The following PTPN5 variants were observed in gnomAD, a reference collection of about 807,000 sequenced individuals.
PTPN5 encodes the protein tyrosine-protein phosphatase non-receptor type 5.
In PTPN5, 29 loss-of-function variants were observed where a neutral mutation model predicts 73.9. The observed-to-expected ratio is 0.39, with a 90% CI of 0.29 to 0.54. The LOEUF is 0.54. Among genes scored for constraint, PTPN5 ranks in the 20% least tolerant of loss-of-function variants. The pLI is 0.65. For synonymous variants in PTPN5, 267 were observed against 304.7 expected (o/e 0.88, Z 1.29); for missense variants, 652 against 751.4 (o/e 0.87, Z 1.55).
intron 4 of PTPN5, 138 bp downstream of exon 4, chr11:18,743,868 G>T (rs1410261197): frequency 1.8e-5 from 18 of 995,318 alleles, no homozygotes; most frequent in Non-Finnish European, 2.2e-5. Context: ...CCAGCCTTGA[G>T]GGCTTGGAGC....
intron 1 of PTPN5, among the ~76,000 whole-genome samples, chr11:18,785,283 A>G (rs1470918709): frequency 6.6e-6 from 1 of 152,192 alleles, no homozygotes; most frequent in Non-Finnish European, 1.5e-5. Flanking sequence ...TCTGAGATGG[A>G]AAAGCTATGT....
intron 3 of PTPN5, among the ~76,000 whole-genome samples, chr11:18,752,643 C>T (rs755424604): frequency 6.6e-6 from 1 of 152,232 alleles, no homozygotes; most frequent in Non-Finnish European, 1.5e-5. Flanking sequence ...TCTGAAATTG[C>T]AAACAGCTTT....
At chr11:18,750,151 G>A (rs1182831174) in intron 3 of PTPN5, among the ~76,000 whole-genome samples, 6 of 152,192 alleles carry the variant, frequency 3.9e-5, no homozygotes, top group Admixed American at 2.6e-4. Flanking sequence ...GAGCCTGAAC[G>A]TTGAAGACTT....
At chr11:18,746,195 A>ATATT (rs377606416) in intron 3 of PTPN5, among the ~76,000 whole-genome samples, 1 of 114,036 alleles carries the variant, frequency 8.8e-6, no homozygotes, top group Non-Finnish European at 1.8e-5. Flanking sequence ...ATATATATAC[A>ATATT]TTTTTTTTTT....
At chr11:18,750,102 G>A (rs930618) in intron 3 of PTPN5, among the ~76,000 whole-genome samples, 293 of 152,282 alleles carry the variant, frequency 1.9e-3, no homozygotes, top group African/African-American at 6.4e-3. Context: ...CCCAGAGAGC[G>A]GAAGTGGCTT....
intron 3 of PTPN5, among the ~76,000 whole-genome samples, chr11:18,759,855 C>A (rs1850311891): frequency 6.6e-6 from 1 of 152,184 alleles, no homozygotes; most frequent in African/African-American, 2.4e-5. Context: ...TGCACCTGCC[C>A]ACAGACCAGC....
At chr11:18,769,834 G>C (rs1338672217) in intron 2 of PTPN5, among the ~76,000 whole-genome samples, 1 of 152,254 alleles carries the variant, frequency 6.6e-6, no homozygotes, top group African/African-American at 2.4e-5. Context: ...ATCAGAAGTA[G>C]GCTGGTCAGT....
At chr11:18,754,093 C>T (rs141972905) in intron 3 of PTPN5, among the ~76,000 whole-genome samples, 7 of 152,144 alleles carry the variant, frequency 4.6e-5, no homozygotes, top group African/African-American at 1.4e-4. Context: ...CCAGTATGGC[C>T]CACTGGAGAT....
chr11:18,783,254 A>G (rs1851523648), intron 1 of PTPN5, among the ~76,000 whole-genome samples: 1 of 152,222 alleles, frequency 6.6e-6, no homozygotes, highest in Non-Finnish European at 1.5e-5. Flanking sequence ...CAAGGATGAT[A>G]GAAGTGATCA....
chr11:18,756,938 C>A (rs200834124), intron 3 of PTPN5, among the ~76,000 whole-genome samples: 44,412 of 137,918 alleles, frequency 0.32, 8,296 homozygotes, highest in Admixed American at 0.46. Flanking sequence ...AAAAAAAAAC[C>A]AAAAAACAAA....
intron 9 of PTPN5, among the ~76,000 whole-genome samples, chr11:18,735,750 G>A (rs1226012505): frequency 2.7e-5 from 4 of 149,406 alleles, no homozygotes; most frequent in East Asian, 1.9e-4. Context: ...GGGCAGCAGA[G>A]TGAGACTCTG....
rs1463443939 is a variant in PTPN5, at chr11:18,740,759, C to T, written c.759G>A (p.Met253Ile). ...RGSNVSLTLDMCTPGCNEEGF... is the reference protein window; with the variant it reads ...RGSNVSLTLDICTPGCNEEGF... ...CCTCCTCGTTGCAGCCCGGAGTGCA[C>T]ATGTCCAGGGTCAGGGAGACATTGG... Residue 253 changes from methionine (M) to isoleucine (I), a missense_variant, in exon 8 of 15, where the codon ATG becomes ATA. Physicochemically the swap from Met to Ile is conservative, Grantham distance 10. Transcript: ENST00000358540. 1.3e-6 allele frequency: 2 copies of T among 1,590,820 alleles called. No individual in the cohort carries two copies. The highest frequency in any genetic ancestry group is 3.4e-5 in the Admixed American group (2 of 58,086).
At chr11:18,757,236 T>A (rs1049362179) in intron 3 of PTPN5, among the ~76,000 whole-genome samples, 1 of 152,184 alleles carries the variant, frequency 6.6e-6, no homozygotes, top group Non-Finnish European at 1.5e-5. Flanking sequence ...TGAAAAAAAT[T>A]GCTTTTCTCA....
At position 18,761,941 on chromosome 11, in the gene PTPN5, C is replaced by T. The variant is rs539040239; in HGVS notation, c.97+3866G>A. ...GTGAGACAGAGGCAGGCCACGTGCC[C>T]GGGTGACTGTGCGTGGGAACATGCA... On this transcript the variant is annotated intron_variant, in intron 3 of 14. Transcript: ENST00000358540. Among the ~76,000 whole-genome samples, 6 of 152,152 alleles carry T rather than the reference C, an allele frequency of 3.9e-5. No individual in the cohort carries two copies. In the East Asian group the frequency reaches 7.8e-4, roughly 20 times the overall value.
chr11:18,774,872 G>T (rs1258853055), intron 1 of PTPN5, among the ~76,000 whole-genome samples: 2 of 152,208 alleles, frequency 1.3e-5, no homozygotes, highest in African/African-American at 4.8e-5. Flanking sequence ...GGGAACAGGA[G>T]GAGGTGATCT....
At position 18,762,799 on chromosome 11, in the gene PTPN5, G is replaced by A. The variant is rs143221226; in HGVS notation, c.97+3008C>T. 4.6e-5 allele frequency among the ~76,000 whole-genome samples: 7 copies of A among 152,290 alleles called. No homozygotes were observed. The East Asian group carries it at 1.4e-3, about 29-fold the overall frequency. ...GTTCTTGCTATATTGTGAATGGGGG[G>A]TCCAGAAAGATTCAGTAGCTTGTCC... On this transcript the variant is annotated intron_variant, in intron 3 of 14. Transcript: ENST00000358540.
chr11:18,777,635 T>G (rs1183277911), intron 1 of PTPN5, among the ~76,000 whole-genome samples: 1 of 152,082 alleles, frequency 6.6e-6, no homozygotes, highest in Non-Finnish European at 1.5e-5. Context: ...ATGAGATTAT[T>G]ATGCAGGAAT....
chr11:18,729,934 G>T lies in PTPN5; in HGVS notation c.1330-116C>A, dbSNP rs1848800431. Reference sequence around the variant, plus strand: ...AGAACACAGGAAGAACACTGAGAGTGGGACCCCTTCACCCTTCCATCTAGG... The same window carrying T: ...AGAACACAGGAAGAACACTGAGAGTTGGACCCCTTCACCCTTCCATCTAGG... On this transcript the variant is annotated intron_variant, in intron 12 of 14. Coordinates refer to ENST00000358540, the MANE Select transcript of PTPN5 (RefSeq NM_006906.2). The surrounding 1 kb of genome is among the most constrained non-coding windows in gnomAD (Gnocchi z 5.2). 3 of 1,362,166 alleles carry T rather than the reference G, an allele frequency of 2.2e-6. No individual in the cohort carries two copies. Among genetic ancestry groups the T allele is most frequent in the Non-Finnish European group, 2.1e-6 (2 of 965,014 alleles). 84.4% of individuals were successfully genotyped at this position (1,362,166 alleles called of 1,614,324 possible).
chr11:18,733,942 C>A lies in PTPN5; in HGVS notation c.1001-307G>T, dbSNP rs7116297. Among the ~76,000 whole-genome samples, 1 of 152,042 alleles carries A rather than the reference C, an allele frequency of 6.6e-6. No individual in the cohort carries two copies. Among genetic ancestry groups the A allele is most frequent in the Non-Finnish European group, 1.5e-5 (1 of 68,026 alleles). On this transcript the variant is annotated intron_variant, in intron 9 of 14. Coordinates refer to ENST00000358540, the MANE Select transcript of PTPN5 (RefSeq NM_006906.2). This position sits in a 1 kb window ranked among gnomAD's most constrained non-coding sequence, Gnocchi z 4.3. ...TCTGGAGAGGAGACAGCTAAGTCAACAATGGAATTACCTAGGGAAATTCCT... is the reference window on the plus strand; with the variant it reads ...TCTGGAGAGGAGACAGCTAAGTCAAAAATGGAATTACCTAGGGAAATTCCT...
Sources: gnomAD v4.1 joint callset for allele counts (sites outside exome capture counted in the v4.1 genomes callset) on GRCh38, gnomAD v4.1.1 for gene constraint, Gnocchi (gnomAD v3.1) non-coding constraint, MANE v1.5 for transcripts, NCBI Gene and HGNC (gene_info 2026-07-23, HGNC 2026-07-21) for gene names.